The following VPS13D variants were observed in gnomAD, a reference collection of about 807,000 sequenced individuals.
VPS13D encodes vacuolar protein sorting 13 homolog D, also known as intermembrane lipid transfer protein VPS13D.
A neutral mutation model predicts 461.9 loss-of-function variants in VPS13D; 187 were observed. That is an observed-to-expected ratio of 0.40 (90% CI 0.36 to 0.46). The LOEUF (loss-of-function observed/expected upper bound fraction) is 0.46. VPS13D is among the 20% of genes least tolerant of loss of function. The probability of loss-of-function intolerance (pLI) is 0.60; values close to 1 mark genes in which losing one functional copy is unlikely to be tolerated. For missense variants in VPS13D, 4,711 were observed against 5,364.9 expected, an observed-to-expected ratio of 0.88 and a Z score of 3.81; for synonymous variants, 1,951 against 1,986.3, an observed-to-expected ratio of 0.98 and a Z score of 0.47.
At chr1:12,450,469 A>G (rs1434203394) in intron 65 of VPS13D, among the ~76,000 whole-genome samples, 1 of 152,132 alleles carries the variant, frequency 6.6e-6, no homozygotes, top group Non-Finnish European at 1.5e-5. Flanking sequence ...TTAACTTACA[A>G]TTTTTTGACT....
At chr1:12,293,332 C>T (rs1642185831) in intron 23 of VPS13D, among the ~76,000 whole-genome samples, 192 bp from the exon 24 acceptor site, 1 of 152,328 alleles carries the variant, frequency 6.6e-6, no homozygotes, top group East Asian at 1.9e-4. Context: ...TCCTGGCTAT[C>T]ACACCTTTAT....
intron 47 of VPS13D, among the ~76,000 whole-genome samples, chr1:12,354,583 G>C (rs544021554): frequency 6.6e-6 from 1 of 152,208 alleles, no homozygotes; most frequent in Admixed American, 6.5e-5. Context: ...TTATCAAGCC[G>C]AAAGGTTTAC....
chr1:12,401,899 G>A (rs191253814), intron 62 of VPS13D, among the ~76,000 whole-genome samples, 195 bp downstream of exon 62: 2 of 152,182 alleles, frequency 1.3e-5, no homozygotes, highest in Non-Finnish European at 2.9e-5. Context: ...TTATCTCTGT[G>A]AACTAAAGGA....
intron 56 of VPS13D, 66 bp downstream of exon 56, chr1:12,378,657 C>A: frequency 1.4e-6 from 2 of 1,406,110 alleles, no homozygotes; most frequent in Non-Finnish European, 1.9e-6. Context: ...AGGAAATCTA[C>A]AACAAAAACT....
At chr1:12,325,600 A>G (rs1158390547) in intron 35 of VPS13D, among the ~76,000 whole-genome samples, 2 of 152,184 alleles carry the variant, frequency 1.3e-5, no homozygotes, top group Non-Finnish European at 2.9e-5. Flanking sequence ...TATCCAACAC[A>G]CACACATGCA....
At chr1:12,230,340 A>T (rs1015385259) in intron 1 of VPS13D, among the ~76,000 whole-genome samples, 5 of 151,838 alleles carry the variant, frequency 3.3e-5, no homozygotes, top group African/African-American at 9.7e-5. Flanking sequence ...CAAGCCCGCC[A>T]CCTCCGGGGA....
chr1:12,472,541 C>A (rs1375650561), intron 67 of VPS13D, among the ~76,000 whole-genome samples: 9 of 152,212 alleles, frequency 5.9e-5, no homozygotes, highest in Admixed American at 5.9e-4. Context: ...GTGGCTTCCA[C>A]TCCCTCAAGG....
In VPS13D at chr1:12,416,696, G is replaced by C. The variant is rs776733884; in HGVS notation, c.12202G>C (p.Val4068Leu). 1 of 1,614,056 alleles carries C rather than the reference G, an allele frequency of 6.2e-7. No individual in the cohort carries two copies. The highest frequency in any genetic ancestry group is 8.5e-7 in the Non-Finnish European group (1 of 1,179,970). Residue 4068 changes from valine (V) to leucine (L), a missense_variant, in exon 65 of 70, where the codon GTG becomes CTG. Physicochemically the swap from Val to Leu is conservative, Grantham distance 32. Coordinates refer to ENST00000620676, the MANE Select transcript of VPS13D (RefSeq NM_015378.4). ...LSQAARILGS[V>L]DFLGNPMGLL... Reference sequence around the variant, plus strand: ...CCAGGCAGCTCGAATCCTGGGATCAGTGGATTTTCTTGGCAATCCTATGGG... The same window carrying C: ...CCAGGCAGCTCGAATCCTGGGATCACTGGATTTTCTTGGCAATCCTATGGG...
chr1:12,245,228 C>T (rs767243844), intron 5 of VPS13D, among the ~76,000 whole-genome samples: 4 of 152,112 alleles, frequency 2.6e-5, no homozygotes, highest in Non-Finnish European at 2.9e-5. Context: ...CACTAATTTT[C>T]GTGAATGTTT....
intron 67 of VPS13D, among the ~76,000 whole-genome samples, chr1:12,486,819 A>C (rs533174411): frequency 1.3e-5 from 2 of 152,120 alleles, no homozygotes; most frequent in East Asian, 3.9e-4. Context: ...CCCAGTCCTC[A>C]GTCTTGTGGC....
chr1:12,272,927 C>T, intron 17 of VPS13D, 76 bp from the exon 18 acceptor site: 9 of 1,554,226 alleles, frequency 5.8e-6, no homozygotes, highest in Non-Finnish European at 7.8e-6. Flanking sequence ...GCTGCAGCTT[C>T]CAGAAATGCT....
At position 12,346,679 on chromosome 1, in the gene VPS13D, G is replaced by T. The variant is rs200292289; in HGVS notation, c.9069+27G>T. On this transcript the variant is annotated intron_variant, in intron 44 of 69. Transcript: ENST00000620676. Reference sequence around the variant, plus strand: ...TAAGTATGATTTTCCTGTTGTCATTGTGTTTATTGCGTATATACACTGCAC... The same window carrying T: ...TAAGTATGATTTTCCTGTTGTCATTTTGTTTATTGCGTATATACACTGCAC... The T allele has an allele frequency of 2.1e-5, 33 of 1,606,858 alleles. No individual in the cohort carries two copies. In the African/African-American group the frequency reaches 4.0e-4, roughly 20 times the overall value.
At chr1:12,266,791 A>C (rs1641282158) in intron 13 of VPS13D, 90 bp from the exon 14 acceptor site, 1 of 1,166,916 alleles carries the variant, frequency 8.6e-7, no homozygotes, top group Non-Finnish European at 1.1e-6. Flanking sequence ...CATCTATAAT[A>C]ATCTTCTGTA....
At chr1:12,278,324 G>A (rs1465019790) in intron 19 of VPS13D, among the ~76,000 whole-genome samples, 1 of 152,090 alleles carries the variant, frequency 6.6e-6, no homozygotes, top group Admixed American at 6.6e-5. Context: ...AGGCTGGAGT[G>A]CAATGATGCA....
chr1:12,244,699 A>T, intron 5 of VPS13D, 82 bp downstream of exon 5: 1 of 1,339,624 alleles, frequency 7.5e-7, no homozygotes, highest in South Asian at 1.2e-5. Flanking sequence ...TTAGTTTCTC[A>T]TTTCTCGTGG....
intron 35 of VPS13D, among the ~76,000 whole-genome samples, chr1:12,325,324 A>G (rs1402932651): frequency 6.6e-6 from 1 of 151,520 alleles, no homozygotes; most frequent in Non-Finnish European, 1.5e-5. Flanking sequence ...CAGTGGCGCG[A>G]TCTTGGCCCA....
chr1:12,272,035 TAAA>T (rs1485258647), intron 17 of VPS13D, among the ~76,000 whole-genome samples: 1 of 151,908 alleles, frequency 6.6e-6, no homozygotes, highest in East Asian at 1.9e-4. Context: ...CTACAAAAAA[TAAA>T]AAAATTAGCT....
intron 36 of VPS13D, 65 bp downstream of exon 36, chr1:12,327,919 G>A: frequency 1.3e-6 from 2 of 1,504,974 alleles, no homozygotes; most frequent in South Asian, 1.2e-5. Flanking sequence ...ATTATTTGGG[G>A]CCTTTTTTTT....
chr1:12,399,435 TC>T (rs1644543795), intron 60 of VPS13D, among the ~76,000 whole-genome samples: 1 of 151,732 alleles, frequency 6.6e-6, no homozygotes, highest in African/African-American at 2.4e-5. Flanking sequence ...GACCTCGTGA[TC>T]CGCCTGCCGC....
Sources: gnomAD v4.1 joint callset for allele counts (sites outside exome capture counted in the v4.1 genomes callset) on GRCh38, gnomAD v4.1.1 for gene constraint, MANE v1.5 for transcripts, NCBI Gene and HGNC (gene_info 2026-07-23, HGNC 2026-07-21) for gene names.